TMEM135: variants seen among roughly 807,000 people sequenced by gnomAD.
The protein encoded by TMEM135 is transmembrane protein 135, also known as peroxisomal membrane protein 52.
A neutral mutation model predicts 60.3 loss-of-function variants in TMEM135; 30 were observed. That is an observed-to-expected ratio of 0.50 (90% CI 0.37 to 0.68). The LOEUF (loss-of-function observed/expected upper bound fraction) is 0.68, where lower values mean the gene tolerates loss of function less well. Ranked by LOEUF, TMEM135 falls within the 30% of genes least tolerant of loss-of-function variation. The pLI is 0.00. For synonymous variants in TMEM135, 190 were observed against 186.7 expected, an observed-to-expected ratio of 1.02 and a Z score of -0.14; for missense variants, 468 against 548.8, an observed-to-expected ratio of 0.85 and a Z score of 1.47.
intron 6 of TMEM135, among the ~76,000 whole-genome samples, chr11:87,280,632 G>A (rs1178232027): frequency 6.6e-6 from 1 of 152,022 alleles, no homozygotes; most frequent in East Asian, 1.9e-4. Flanking sequence ...TGCTCCTAAA[G>A]CACTGTGTAC....
At chr11:87,250,160 A>C (rs1217898675) in intron 6 of TMEM135, among the ~76,000 whole-genome samples, 1 of 152,086 alleles carries the variant, frequency 6.6e-6, no homozygotes. Context: ...CATGAATCGC[A>C]CTGTCTCCTT....
rs1043981289 is a variant in TMEM135, at chr11:87,205,197, G to A, written c.463-31441G>A. Among the ~76,000 whole-genome samples, 3 of 152,178 alleles carry A rather than the reference G, an allele frequency of 2.0e-5. 1 individual carries two copies. The East Asian group carries it at 5.8e-4, about 29-fold the overall frequency. ...GTGACATAGATGGAAAATAATGGAG[G>A]TCTGAAGATGGCTCTAAATAAGACA... On this transcript the variant is annotated intron_variant, in intron 5 of 14. Transcript: ENST00000305494.
chr11:87,142,685 T>TTCC (rs750021439), intron 4 of TMEM135, among the ~76,000 whole-genome samples: 1 of 151,284 alleles, frequency 6.6e-6, no homozygotes, highest in South Asian at 2.1e-4. Context: ...GCTTCCAGAT[T>TTCC]TCCTCCTCCT....
At chr11:87,105,368 T>C (rs1028056974) in intron 4 of TMEM135, among the ~76,000 whole-genome samples, 11 of 152,144 alleles carry the variant, frequency 7.2e-5, no homozygotes, top group African/African-American at 2.7e-4. Flanking sequence ...ACTGCACATG[T>C]GAGGGATCTA....
At chr11:87,133,844 A>C (rs550988) in intron 4 of TMEM135, among the ~76,000 whole-genome samples, 1 of 151,930 alleles carries the variant, frequency 6.6e-6, no homozygotes, top group African/African-American at 2.4e-5. Flanking sequence ...TGAGATTCAT[A>C]TATTTTATTT....
intron 6 of TMEM135, among the ~76,000 whole-genome samples, chr11:87,265,371 A>C (rs2135405257): frequency 6.6e-6 from 1 of 152,138 alleles, no homozygotes; most frequent in Non-Finnish European, 1.5e-5. Flanking sequence ...TCCATGAAGA[A>C]TACTGGACTC....
chr11:87,151,176 T>C (rs1017063990), intron 4 of TMEM135, among the ~76,000 whole-genome samples: 1 of 152,178 alleles, frequency 6.6e-6, no homozygotes, highest in African/African-American at 2.4e-5. Context: ...CTCTTTCACT[T>C]TGGGAATTCA....
intron 3 of TMEM135, among the ~76,000 whole-genome samples, chr11:87,081,184 A>G (rs1189543126): frequency 6.6e-6 from 1 of 151,604 alleles, no homozygotes; most frequent in African/African-American, 2.4e-5. Context: ...TATTTAGTTC[A>G]TTAACATTTG....
At chr11:87,042,183 G>A (rs1466416590) in intron 1 of TMEM135, among the ~76,000 whole-genome samples, 1 of 152,258 alleles carries the variant, frequency 6.6e-6, no homozygotes, top group Non-Finnish European at 1.5e-5. Flanking sequence ...AGACAGCTAT[G>A]TAGAAATGTG....
At chr11:87,240,605 A>C (rs1941109275) in intron 6 of TMEM135, among the ~76,000 whole-genome samples, 1 of 152,124 alleles carries the variant, frequency 6.6e-6, no homozygotes, top group Non-Finnish European at 1.5e-5. Context: ...AACAATAAAC[A>C]TCAAAACTAT....
chr11:87,245,342 A>C (rs1177260613), intron 6 of TMEM135, among the ~76,000 whole-genome samples: 1 of 112,698 alleles, frequency 8.9e-6, no homozygotes, highest in African/African-American at 3.5e-5. Flanking sequence ...TTTGGGGTGG[A>C]GGGTTCTGTA....
intron 1 of TMEM135, among the ~76,000 whole-genome samples, chr11:87,067,118 T>A (rs1856680426): frequency 6.7e-6 from 1 of 148,668 alleles, no homozygotes; most frequent in Non-Finnish European, 1.5e-5. Context: ...TTTTTTTTTT[T>A]AATGGGCTCC....
At position 87,141,309 on chromosome 11, in the gene TMEM135, G is replaced by A. The variant is rs565302537; in HGVS notation, c.397-16032G>A. 1.4e-4 allele frequency among the ~76,000 whole-genome samples: 21 copies of A among 151,948 alleles called. 1 individual carries two copies. In the South Asian group the frequency reaches 4.4e-3, roughly 32 times the overall value. On this transcript the variant is annotated intron_variant, in intron 4 of 14. Transcript: ENST00000305494. ...TTAGGTCGTTTACTTCCTTTGTTAA[G>A]CTTTATTCCTAAATGTTTAATATAT...
chr11:87,316,876 A>C (rs1590868054), intron 12 of TMEM135, among the ~76,000 whole-genome samples: 1 of 149,684 alleles, frequency 6.7e-6, no homozygotes, highest in South Asian at 2.1e-4. Flanking sequence ...ATGGTGATGC[A>C]GACTTTTTTT....
intron 1 of TMEM135, among the ~76,000 whole-genome samples, chr11:87,046,628 G>T (rs1376755552): frequency 2.0e-5 from 3 of 152,182 alleles, no homozygotes; most frequent in Admixed American, 1.3e-4. Context: ...AGAAATGCAG[G>T]GGTAGAGAGA....
At chr11:87,085,158 A>G (rs1022108780) in intron 3 of TMEM135, among the ~76,000 whole-genome samples, 2 of 152,238 alleles carry the variant, frequency 1.3e-5, no homozygotes, top group African/African-American at 4.8e-5. Context: ...TAAAGTTGAC[A>G]TTGGAACAGA....
At chr11:87,183,703 C>T (rs1487406642) in intron 5 of TMEM135, among the ~76,000 whole-genome samples, 1 of 151,844 alleles carries the variant, frequency 6.6e-6, no homozygotes, top group Non-Finnish European at 1.5e-5. Context: ...CGCCTGTAAT[C>T]CCAGCACTTT....
rs1941007292 is a variant in TMEM135 at position 87,236,807 on chromosome 11, AC to A, written c.509+128del. On this transcript the variant is annotated intron_variant, in intron 6 of 14. Transcript: ENST00000305494. ...CTTACAAGCAGCATACTCCCCCCGC[AC>A]CCCCGCCCAGAGTGGACAGAGGTAA... The A allele has an allele frequency of 1.2e-4, 105 of 886,804 alleles. 10 individuals carry two copies. In the South Asian group the frequency reaches 1.5e-3, roughly 12 times the overall value. The allele number at this position is 886,804 out of a possible 1,614,324, so 54.9% of individuals were successfully genotyped here. A position where few individuals can be genotyped will look rare whatever the true frequency, so the allele number is the denominator to read the frequency against.
At chr11:87,071,881 C>G (rs1856778651) in intron 3 of TMEM135, among the ~76,000 whole-genome samples, 1 of 151,990 alleles carries the variant, frequency 6.6e-6, no homozygotes, top group South Asian at 2.1e-4. Context: ...ATAATGTGAC[C>G]TAACTAAAAT....
Sources: allele counts gnomAD v4.1 joint callset (sites outside exome capture counted in the v4.1 genomes callset), GRCh38; gene constraint gnomAD v4.1.1; transcripts MANE v1.5; gene names NCBI Gene and HGNC (gene_info 2026-07-23, HGNC 2026-07-21).